OXR1: variants seen among roughly 807,000 people sequenced by gnomAD.
OXR1 encodes oxidation resistance 1, also known as oxidation resistance protein 1.
In OXR1, 41 loss-of-function variants were observed where a neutral mutation model predicts 104.6. The ratio of observed to expected loss-of-function variants is 0.39; its 90% CI spans 0.31 to 0.51. The LOEUF is 0.51. Ranked by LOEUF, OXR1 falls within the 20% of genes least tolerant of loss-of-function variation. The pLI, the probability that OXR1 is intolerant of heterozygous loss-of-function variation, is 0.77. For missense variants in OXR1, 955 were observed against 1,031.9 expected (o/e 0.93, Z 1.02); for synonymous variants, 348 against 348.4 (o/e 1.00, Z 0.01).
At chr8:106,425,800 C>G (rs768665152) in intron 2 of OXR1, among the ~76,000 whole-genome samples, 32 of 152,114 alleles carry the variant, frequency 2.1e-4, no homozygotes, top group Admixed American at 2.1e-3. Flanking sequence ...GTGGAGTTGA[C>G]GCAGGTCTTT....
intron 3 of OXR1, among the ~76,000 whole-genome samples, chr8:106,579,757 C>A (rs1275334588): frequency 2.0e-5 from 3 of 151,698 alleles, no homozygotes; most frequent in Non-Finnish European, 4.4e-5. Flanking sequence ...TTTTTAATCA[C>A]TATGCTATAT....
intron 3 of OXR1, among the ~76,000 whole-genome samples, chr8:106,551,674 A>G (rs1815815253): frequency 6.6e-6 from 1 of 151,584 alleles, no homozygotes; most frequent in Non-Finnish European, 1.5e-5. Flanking sequence ...ATGTCTGGGC[A>G]CAATGGCTCC....
intron 2 of OXR1, among the ~76,000 whole-genome samples, chr8:106,390,081 A>G (rs1291694788): frequency 6.6e-6 from 1 of 152,220 alleles, no homozygotes; most frequent in Non-Finnish European, 1.5e-5. Context: ...AAAATTATCC[A>G]TTGTGGATGA....
chr8:106,683,107 G>T (rs1318342749), intron 4 of OXR1, 92 bp from the exon 5 acceptor site: 2 of 596,420 alleles, frequency 3.4e-6, no homozygotes, highest in East Asian at 2.8e-5. Context: ...TCAAATGTAA[G>T]CTGGTCCCTA....
chr8:106,702,761 A>C (rs1055785596), intron 7 of OXR1, 145 bp from the exon 8 acceptor site: 4 of 572,482 alleles, frequency 7.0e-6, no homozygotes, highest in Non-Finnish European at 8.7e-6. Context: ...GTTTTAATAA[A>C]AATGGTTTCA....
At chr8:106,736,013 A>C (rs1834334445) in intron 11 of OXR1, among the ~76,000 whole-genome samples, 1 of 152,312 alleles carries the variant, frequency 6.6e-6, no homozygotes, top group East Asian at 1.9e-4. Flanking sequence ...GAATAATAGT[A>C]GTTCTCATTA....
At chr8:106,305,952 C>A (rs141353418) in intron 1 of OXR1, among the ~76,000 whole-genome samples, 2,921 of 152,062 alleles carry the variant, frequency 0.019, 41 homozygotes, top group South Asian at 0.097. Context: ...AAGAGACTAC[C>A]CAATTGACTT....
chr8:106,476,484 T>G (rs1156435771), intron 2 of OXR1, among the ~76,000 whole-genome samples: 1 of 151,976 alleles, frequency 6.6e-6, no homozygotes, highest in Non-Finnish European at 1.5e-5. Context: ...GTCCTGATTA[T>G]AAACCTGACT....
intron 1 of OXR1, among the ~76,000 whole-genome samples, chr8:106,328,458 C>T (rs1814570511): frequency 1.3e-5 from 2 of 152,124 alleles, no homozygotes; most frequent in South Asian, 2.1e-4. Flanking sequence ...TTATCCCTGT[C>T]CAGTAAAATC....
chr8:106,577,250 G>A (rs939593167), intron 3 of OXR1, among the ~76,000 whole-genome samples: 6 of 149,228 alleles, frequency 4.0e-5, no homozygotes, highest in African/African-American at 7.4e-5. Flanking sequence ...TCTGTCTGTC[G>A]CCCAGACTGG....
chr8:106,637,200 G>GTTGCTACTA (rs1823213005), intron 3 of OXR1, among the ~76,000 whole-genome samples: 1 of 152,084 alleles, frequency 6.6e-6, no homozygotes, highest in Non-Finnish European at 1.5e-5. Flanking sequence ...TGTTGCTACT[G>GTTGCTACTA]TTAAAGATTG....
At chr8:106,623,587 G>A (rs906267292) in intron 3 of OXR1, among the ~76,000 whole-genome samples, 10 of 152,230 alleles carry the variant, frequency 6.6e-5, no homozygotes, top group African/African-American at 2.4e-4. Flanking sequence ...AGCTGAAAGT[G>A]GGGCCTGGTA....
intron 2 of OXR1, among the ~76,000 whole-genome samples, chr8:106,471,550 A>G (rs558889599): frequency 6.6e-5 from 10 of 151,930 alleles, no homozygotes; most frequent in South Asian, 4.1e-4. Flanking sequence ...GCGATAGACT[A>G]GGTTATTCAG....
intron 2 of OXR1, among the ~76,000 whole-genome samples, chr8:106,389,234 A>C (rs1415815154): frequency 6.6e-6 from 1 of 152,284 alleles, no homozygotes; most frequent in East Asian, 1.9e-4. Flanking sequence ...TGCCTGCTAC[A>C]TGCAAAAAAG....
At chr8:106,495,765 G>A (rs1380673981) in intron 2 of OXR1, among the ~76,000 whole-genome samples, 2 of 152,136 alleles carry the variant, frequency 1.3e-5, no homozygotes, top group African/African-American at 4.8e-5. Flanking sequence ...TGATGAGGAT[G>A]TCAAAGGAAG....
At chr8:106,483,901 G>T (rs966889892) in intron 2 of OXR1, among the ~76,000 whole-genome samples, 1 of 152,008 alleles carries the variant, frequency 6.6e-6, no homozygotes, top group Middle Eastern at 3.2e-3. Flanking sequence ...TAAAATGATT[G>T]AATGTACATT....
intron 1 of OXR1, among the ~76,000 whole-genome samples, chr8:106,301,748 T>G (rs151172898): frequency 2.2e-3 from 328 of 152,320 alleles, no homozygotes; most frequent in African/African-American, 7.5e-3. Context: ...AATGGTATTC[T>G]CCTCAGAAAG....
chr8:106,443,340 T>C (rs1819872424), intron 2 of OXR1, among the ~76,000 whole-genome samples: 1 of 152,118 alleles, frequency 6.6e-6, no homozygotes, highest in African/African-American at 2.4e-5. Flanking sequence ...ATAAGGTTGA[T>C]TTTAGAATAA....
At chr8:106,301,342 A>G (rs977119612) in intron 1 of OXR1, among the ~76,000 whole-genome samples, 3 of 140,956 alleles carry the variant, frequency 2.1e-5, no homozygotes, top group African/African-American at 3.1e-5. Flanking sequence ...GCAGAATACA[A>G]CAACTATTTA....
Sources: allele counts gnomAD v4.1 joint callset (sites outside exome capture counted in the v4.1 genomes callset), GRCh38; gene constraint gnomAD v4.1.1; transcripts MANE v1.5; gene names NCBI Gene and HGNC (gene_info 2026-07-23, HGNC 2026-07-21).